The following PAH variants were observed in gnomAD, a reference collection of about 807,000 sequenced individuals.
PAH encodes the protein phenylalanine hydroxylase, also known as phenylalanine-4-hydroxylase.
A neutral mutation model predicts 62.0 loss-of-function variants in PAH; 64 were observed. That is an observed-to-expected ratio of 1.03 (90% confidence interval 0.84 to 1.27). PAH has a LOEUF of 1.27. Among genes scored for constraint, PAH ranks in the 50% most tolerant of loss-of-function variants. PAH has a pLI of 0.00. For missense variants in PAH, 579 were observed against 542.8 expected, an observed-to-expected ratio of 1.07 and a Z score of -0.66; for synonymous variants, 195 against 196.2, an observed-to-expected ratio of 0.99 and a Z score of 0.05.
intron 5 of PAH, among the ~76,000 whole-genome samples, chr12:102,862,658 C>A (rs978481633): frequency 2.6e-5 from 4 of 152,170 alleles, no homozygotes; most frequent in African/African-American, 9.6e-5. Flanking sequence ...AGCCTGACTT[C>A]AAAGATCAGT....
chr12:102,853,909 G>C (rs569131334), intron 6 of PAH, among the ~76,000 whole-genome samples: 5 of 152,336 alleles, frequency 3.3e-5, no homozygotes, highest in African/African-American at 1.2e-4. Context: ...CTGAGACAGA[G>C]ATAGGTTAAA....
chr12:102,906,949 C>T (rs1038501158), intron 2 of PAH, among the ~76,000 whole-genome samples: 1 of 152,192 alleles, frequency 6.6e-6, no homozygotes, highest in Non-Finnish European at 1.5e-5. Flanking sequence ...ATGCTAAACT[C>T]ATAATGATGC....
At chr12:102,889,972 C>T (rs945711771) in intron 3 of PAH, among the ~76,000 whole-genome samples, 6 of 152,048 alleles carry the variant, frequency 3.9e-5, no homozygotes, top group African/African-American at 7.2e-5. Flanking sequence ...GAGAATAGAC[C>T]TCAAGTATTC....
chr12:102,913,588 T>C (rs1220613469), intron 1 of PAH, among the ~76,000 whole-genome samples: 1 of 152,110 alleles, frequency 6.6e-6, no homozygotes, highest in East Asian at 1.9e-4. Context: ...GAGAAGTATA[T>C]AAAAATGATG....
In PAH at chr12:102,956,990, C is replaced by A. The variant is rs113043295; in HGVS notation, c.-96+1205G>T. On this transcript the variant is annotated intron_variant, in intron 1 of 4. Coordinates refer to the PAH transcript ENST00000551337. Reference sequence around the variant, plus strand: ...GAGGAGCCACAGAGCATTGAGAGGACGCCTTGGGACTAGAACCCACGTTTT... The same window carrying A: ...GAGGAGCCACAGAGCATTGAGAGGAAGCCTTGGGACTAGAACCCACGTTTT... Among the ~76,000 whole-genome samples, 1,019 of 152,302 alleles carry A rather than the reference C, an allele frequency of 6.7e-3. 12 individuals carry two copies. The highest frequency in any genetic ancestry group is 0.023 in the African/African-American group (971 of 41,558).
chr12:102,868,153 T>TATAC lies in PAH; in HGVS notation c.442-1491_442-1490insGTAT, dbSNP rs1555205876. On this transcript the variant is annotated intron_variant, in intron 4 of 12. Coordinates refer to ENST00000553106, the MANE Select transcript of PAH (RefSeq NM_000277.3). ...ATATATATATATATATATATATATA[T>TATAC]ACACATATATATACATATATGTGTA... Among the ~76,000 whole-genome samples the TATAC allele has an allele frequency of 2.9e-4, 2 of 6,970 alleles. 1 individual carries two copies. Among genetic ancestry groups the TATAC allele is most frequent in the Non-Finnish European group, 4.7e-4 (2 of 4,282 alleles). The allele number at this position is 6,970 out of a possible 152,430, so 4.6% of individuals were successfully genotyped here.
intron 1 of PAH, among the ~76,000 whole-genome samples, chr12:102,944,402 C>T (rs1879412330): frequency 6.6e-6 from 1 of 152,148 alleles, no homozygotes; most frequent in African/African-American, 2.4e-5. Context: ...CTTAGGTCTG[C>T]TCTTTTAAGG....
chr12:102,895,892 G>A (rs1040836208), intron 2 of PAH, among the ~76,000 whole-genome samples: 28 of 133,452 alleles, frequency 2.1e-4, no homozygotes, highest in African/African-American at 7.7e-4. Flanking sequence ...ATATATATAT[G>A]TATATAAAAT....
intron 1 of PAH, 100 bp downstream of exon 1, chr12:102,916,971 T>C: frequency 9.4e-7 from 1 of 1,064,314 alleles, no homozygotes; most frequent in Non-Finnish European, 1.5e-6. Flanking sequence ...TCAGACTTCT[T>C]ACTGAGCTTA....
chr12:102,863,899 G>C (rs1391142692), intron 5 of PAH, among the ~76,000 whole-genome samples: 1 of 152,038 alleles, frequency 6.6e-6, no homozygotes. Context: ...TTCCACTCCA[G>C]TAATATCATC....
chr12:102,852,045 T>A (rs1875176143), intron 7 of PAH: 1 of 419,954 alleles, frequency 2.4e-6, no homozygotes, highest in Non-Finnish European at 4.4e-6. Flanking sequence ...CTAATATTCC[T>A]GTGGACATGC....
intron 5 of PAH, among the ~76,000 whole-genome samples, chr12:102,861,661 A>T (rs543969220): frequency 1.1e-4 from 17 of 152,304 alleles, no homozygotes; most frequent in Admixed American, 5.9e-4. Context: ...ATAAAAAAGG[A>T]TGAGTTCATG....
intron 4 of PAH, among the ~76,000 whole-genome samples, chr12:102,868,852 C>T (rs1224208084): frequency 6.6e-6 from 1 of 152,150 alleles, no homozygotes; most frequent in Non-Finnish European, 1.5e-5. Flanking sequence ...TTCTCACTTG[C>T]CATTCTTATT....
At chr12:102,897,463 GTGTATATATATA>G (rs1194523092) in intron 2 of PAH, among the ~76,000 whole-genome samples, 2 of 105,574 alleles carry the variant, frequency 1.9e-5, no homozygotes, top group African/African-American at 3.5e-5. Context: ...GTGTGTGTGT[GTGTATATATATA>G]TATATATATA....
chr12:102,860,756 G>T (rs916956127), intron 5 of PAH, among the ~76,000 whole-genome samples: 2 of 152,166 alleles, frequency 1.3e-5, no homozygotes, highest in Admixed American at 6.5e-5. Flanking sequence ...TTTAATAAAT[G>T]GTGCTGGGAA....
chr12:102,915,843 C>T (rs1321450985), intron 1 of PAH, among the ~76,000 whole-genome samples: 1 of 152,098 alleles, frequency 6.6e-6, no homozygotes, highest in Non-Finnish European at 1.5e-5. Context: ...TAACTTTTCC[C>T]TAAATGTGTC....
intron 12 of PAH, 61 bp from the exon 13 acceptor site, chr12:102,839,279 G>T: frequency 6.5e-7 from 1 of 1,527,278 alleles, no homozygotes; most frequent in Non-Finnish European, 9.1e-7. Flanking sequence ...CTCTTCAAGT[G>T]TCCTCAGTGC....
At chr12:102,921,273 T>C (rs1354590593), upstream of PAH, among the ~76,000 whole-genome samples, 1 of 152,220 alleles carries the variant, frequency 6.6e-6, no homozygotes, top group African/African-American at 2.4e-5. Flanking sequence ...AACTCATGAG[T>C]TTGAGCATCT....
intron 5 of PAH, among the ~76,000 whole-genome samples, chr12:102,856,960 G>C: frequency 6.6e-6 from 1 of 152,238 alleles, no homozygotes; most frequent in East Asian, 1.9e-4. Context: ...CTCCTCGCCA[G>C]CAATGGAACA....
Sources: gnomAD v4.1 joint callset for allele counts (sites outside exome capture counted in the v4.1 genomes callset) on GRCh38, gnomAD v4.1.1 for gene constraint, MANE v1.5 for transcripts, NCBI Gene and HGNC (gene_info 2026-07-23, HGNC 2026-07-21) for gene names.